EPB41L2: variants seen among roughly 807,000 people sequenced by gnomAD.
EPB41L2 encodes erythrocyte membrane protein band 4.1 like 2, also known as band 4.1-like protein 2.
Under a neutral mutation model 113.0 loss-of-function variants are expected in EPB41L2, and 43 were observed. The observed-to-expected ratio is 0.38, with a 90% CI of 0.30 to 0.49. The LOEUF is 0.49. Among genes scored for constraint, EPB41L2 ranks in the 20% least tolerant of loss-of-function variants. The probability of loss-of-function intolerance (pLI) is 0.95; values close to 1 mark genes in which losing one functional copy is unlikely to be tolerated. For missense variants in EPB41L2, 1,147 were observed against 1,223.4 expected (o/e 0.94, Z 0.93); for synonymous variants, 442 against 436.7 (o/e 1.01, Z -0.15).
At chr6:130,930,726 A>G (rs1806538869) in intron 3 of EPB41L2, among the ~76,000 whole-genome samples, 1 of 152,132 alleles carries the variant, frequency 6.6e-6, no homozygotes. Flanking sequence ...ACAAAACGAC[A>G]AGGAAACCAG....
intron 5 of EPB41L2, among the ~76,000 whole-genome samples, chr6:130,906,516 TATC>T (rs1028351244): frequency 4.2e-4 from 64 of 152,308 alleles, no homozygotes; most frequent in African/African-American, 1.4e-3. Flanking sequence ...GATTACATAT[TATC>T]ATCATAATTT....
At chr6:131,039,270 G>A (rs1286180693) in intron 1 of EPB41L2, among the ~76,000 whole-genome samples, 1 of 152,020 alleles carries the variant, frequency 6.6e-6, no homozygotes, top group Admixed American at 6.5e-5. Context: ...ACTTCCTCTG[G>A]GTATGGACTT....
At chr6:130,945,353 A>G (rs1812446076) in intron 3 of EPB41L2, among the ~76,000 whole-genome samples, 1 of 152,178 alleles carries the variant, frequency 6.6e-6, no homozygotes. Flanking sequence ...AGGCAAAAAG[A>G]CCTCGACACA....
intron 1 of EPB41L2, among the ~76,000 whole-genome samples, chr6:130,962,900 C>T (rs962910886): frequency 4.6e-5 from 7 of 152,094 alleles, no homozygotes; most frequent in African/African-American, 1.7e-4. Flanking sequence ...AAAATATGCA[C>T]GAAGTCCACT....
At chr6:130,992,885 A>G (rs1209718726) in intron 1 of EPB41L2, among the ~76,000 whole-genome samples, 3 of 152,074 alleles carry the variant, frequency 2.0e-5, no homozygotes, top group African/African-American at 7.2e-5. Flanking sequence ...CAGCCTCCCA[A>G]AGTGCTGGGA....
At chr6:130,996,614 C>T (rs1250053707) in intron 1 of EPB41L2, among the ~76,000 whole-genome samples, 2 of 152,086 alleles carry the variant, frequency 1.3e-5, no homozygotes, top group Admixed American at 6.5e-5. Context: ...GAATGAATGC[C>T]CTATAGATTA....
intron 19 of EPB41L2, among the ~76,000 whole-genome samples, chr6:130,849,436 G>A (rs1778107657): frequency 6.6e-6 from 1 of 152,120 alleles, no homozygotes; most frequent in South Asian, 2.1e-4. Context: ...GGAAAATGTA[G>A]CATTTGTGAC....
At chr6:131,005,459 C>T (rs1415276379) in intron 1 of EPB41L2, among the ~76,000 whole-genome samples, 2 of 152,124 alleles carry the variant, frequency 1.3e-5, no homozygotes, top group Admixed American at 6.5e-5. Flanking sequence ...TCAACCAATA[C>T]CTCTGGGCCA....
At chr6:130,939,016 A>G (rs1809858735) in intron 3 of EPB41L2, among the ~76,000 whole-genome samples, 1 of 152,322 alleles carries the variant, frequency 6.6e-6, no homozygotes, top group Non-Finnish European at 1.5e-5. Flanking sequence ...GGCGAAAAGC[A>G]CCAAGAAATA....
intron 19 of EPB41L2, among the ~76,000 whole-genome samples, chr6:130,850,982 C>T (rs77041706): frequency 6.6e-6 from 1 of 152,162 alleles, no homozygotes; most frequent in Admixed American, 6.5e-5. Context: ...CCAAAACTAG[C>T]TTTTTATTTC....
intron 5 of EPB41L2, among the ~76,000 whole-genome samples, chr6:130,906,961 C>G (rs1049731280): frequency 2.0e-5 from 3 of 152,028 alleles, no homozygotes; most frequent in Non-Finnish European, 4.4e-5. Context: ...GGTAAAAGTT[C>G]TGAAATAACT....
Position 130,873,027 on chromosome 6 carries a change from G to A in EPB41L2, c.2044-2901C>T, listed in dbSNP as rs114424561. Reference sequence around the variant, plus strand: ...CTCCCTGAGGCCCACTTCATAGTCTGCATTTTCTGTAAGGCCTTCCCTCAC... The same window carrying A: ...CTCCCTGAGGCCCACTTCATAGTCTACATTTTCTGTAAGGCCTTCCCTCAC... On this transcript the variant is annotated intron_variant, in intron 14 of 19. Transcript: ENST00000337057. 1.6e-3 allele frequency among the ~76,000 whole-genome samples: 248 copies of A among 152,150 alleles called. 1 individual carries two copies. Among genetic ancestry groups the A allele is most frequent in the African/African-American group, 5.6e-3 (233 of 41,486 alleles).
chr6:131,026,719 G>A (rs1790938596), intron 1 of EPB41L2, among the ~76,000 whole-genome samples: 1 of 152,086 alleles, frequency 6.6e-6, no homozygotes, highest in Admixed American at 6.6e-5. Context: ...TTGTTTCAAT[G>A]CTACTTTCAC....
At chr6:131,044,295 G>C (rs934961258) in intron 1 of EPB41L2, among the ~76,000 whole-genome samples, 1 of 151,778 alleles carries the variant, frequency 6.6e-6, no homozygotes, top group African/African-American at 2.4e-5. Flanking sequence ...CAAAGCGCTG[G>C]GATCACAGGC....
At chr6:130,938,432 T>C (rs986404155) in intron 3 of EPB41L2, among the ~76,000 whole-genome samples, 7 of 151,978 alleles carry the variant, frequency 4.6e-5, no homozygotes, top group African/African-American at 1.7e-4. Flanking sequence ...GAGGGGGACC[T>C]GGCTGGGTGA....
rs1269802091 is a variant in EPB41L2, at chr6:130,867,722, AAAAC to A, written c.2608-145_2608-142del. ...AGAAAAGAGTAAAAGCAAACAACCT[AAAAC>A]AAACAAAAGAAATAAAAGAAAAATT... is the stretch of plus-strand genomic sequence containing the variant. On this transcript the variant is annotated intron_variant, in intron 15 of 19. Coordinates refer to ENST00000337057, the MANE Select transcript of EPB41L2 (RefSeq NM_001431.4). 7.2e-6 allele frequency: 8 copies of A among 1,115,810 alleles called. 1 individual carries two copies. The East Asian group carries it at 7.9e-5, about 11-fold the overall frequency. 69.1% of individuals were successfully genotyped at this position (1,115,810 alleles called of 1,614,324 possible).
At chr6:130,897,656 A>C (rs913811111) in intron 8 of EPB41L2, among the ~76,000 whole-genome samples, 1 of 152,204 alleles carries the variant, frequency 6.6e-6, no homozygotes, top group Non-Finnish European at 1.5e-5. Flanking sequence ...GGTCTCAAAC[A>C]TATTTTTTCC....
Position 130,900,987 on chromosome 6 carries a change from C to T in EPB41L2, c.1123G>A (p.Val375Met), listed in dbSNP as rs753437608. ...CTGTGGGTTTTGTGCAGCTCTGCCA[C>T]CTTCTCTTCCAGCTCCTTAGTCTGA... is the stretch of plus-strand genomic sequence containing the variant. ...PTQTKELEEK[V>M]AELHKTHRGL... Residue 375 changes from valine to methionine, a missense_variant, in exon 7 of 20, where the codon GTG (valine) becomes ATG (methionine). Coordinates refer to ENST00000337057, the MANE Select transcript of EPB41L2 (RefSeq NM_001431.4). 2 of 1,614,170 alleles carry T rather than the reference C, an allele frequency of 1.2e-6. No individual in the cohort carries two copies. The highest frequency in any genetic ancestry group is 2.2e-5 in the South Asian group (2 of 91,088).
chr6:131,025,486 G>A (rs977376248), intron 1 of EPB41L2, among the ~76,000 whole-genome samples: 15 of 151,980 alleles, frequency 9.9e-5, no homozygotes, highest in Admixed American at 6.6e-4. Context: ...TTGATCAATC[G>A]GCAAAGTCAC....
Sources: gnomAD v4.1 joint callset for allele counts (sites outside exome capture counted in the v4.1 genomes callset) on GRCh38, gnomAD v4.1.1 for gene constraint, MANE v1.5 for transcripts, NCBI Gene and HGNC (gene_info 2026-07-23, HGNC 2026-07-21) for gene names.